The following VNN2 variants were observed in gnomAD, a reference collection of about 807,000 sequenced individuals.
VNN2 encodes pantetheine hydrolase VNN2.
VNN2 carries 43 observed loss-of-function variants against 43.0 expected under a neutral mutation model. That is an observed-to-expected ratio of 1.00 (90% CI 0.78 to 1.29). The LOEUF is 1.29. VNN2 is among the 50% of genes most tolerant of loss of function. The pLI, the probability that VNN2 is intolerant of heterozygous loss-of-function variation, is 0.00. For synonymous variants in VNN2, 230 were observed against 224.3 expected, an observed-to-expected ratio of 1.03 and a Z score of -0.23; for missense variants, 652 against 619.7, an observed-to-expected ratio of 1.05 and a Z score of -0.55.
At chr6:132,759,461 A>C (rs998382368), upstream of VNN2, among the ~76,000 whole-genome samples, 17 of 145,934 alleles carry the variant, frequency 1.2e-4, no homozygotes, top group South Asian at 2.2e-4. Context: ...AAAAAAAAAA[A>C]CAATAATAAC....
intron 2 of VNN2, 130 bp from the exon 3 acceptor site, chr6:132,756,165 A>G (rs1780465025): frequency 1.2e-6 from 1 of 857,968 alleles, no homozygotes; most frequent in Non-Finnish European, 1.7e-6. Flanking sequence ...TAAAAATATC[A>G]TACTTTAAAA....
intron 6 of VNN2, among the ~76,000 whole-genome samples, chr6:132,748,997 A>G (rs9321366): frequency 0.089 from 13,503 of 152,320 alleles, 816 homozygotes; most frequent in African/African-American, 0.17. Flanking sequence ...GAAATTAAAA[A>G]TCTATAAACA....
chr6:132,752,705 C>T lies in VNN2; in HGVS notation c.582G>A (p.Pro194=), dbSNP rs33980664. 48,336 of 1,614,072 alleles carry T rather than the reference C, an allele frequency of 0.03. 869 individuals are homozygous for T. Among genetic ancestry groups the T allele is most frequent in the Middle Eastern group, 0.05 (304 of 6,062 alleles). Residue 194 remains proline (P), a synonymous_variant, in exon 4 of 7, where the codon CCG becomes CCA. Transcript: ENST00000326499. Reference sequence around the variant, plus strand: ...ATGCGGTGTTGAAAGTCACCAACTCCGGCTTTTCAGGGACATTAAACTGAG... The same window carrying T: ...ATGCGGTGTTGAAAGTCACCAACTCTGGCTTTTCAGGGACATTAAACTGAG... The part of the protein sequence containing the change: ...SEPQFNVPEK[P]ELVTFNTAFG...
chr6:132,753,245 T>C, intron 3 of VNN2: 1 of 226,052 alleles, frequency 4.4e-6, no homozygotes, highest in Non-Finnish European at 9.1e-6. Flanking sequence ...CAGGATGATC[T>C]CAATCTCCTG....
chr6:132,751,000 GT>G, intron 5 of VNN2, 144 bp downstream of exon 5: 1 of 954,630 alleles, frequency 1.0e-6, no homozygotes, highest in South Asian at 1.7e-5. Flanking sequence ...ATGCACGTGT[GT>G]GTGTGTGTGT....
At chr6:132,760,108 G>A (rs960754576), upstream of VNN2, among the ~76,000 whole-genome samples, 6 of 152,116 alleles carry the variant, frequency 3.9e-5, no homozygotes, top group African/African-American at 1.2e-4. Flanking sequence ...CAGCACATGT[G>A]TCTGTGCTCT....
Position 132,744,393 on chromosome 6 carries a change from G to A in VNN2, c.1470C>T (p.Tyr490=). The change falls in exon 7 of 7, where the codon TAC becomes TAT. Residue 490 remains tyrosine, a synonymous_variant. Transcript: ENST00000326499. ...FGRWYTKDSL[Y]SSCGTSNSAI... ...CTGAATTGCTGGTCCCACATGAGCT[G>A]TAAAGTGAGTCCTTTGTGTACCACC... 1 of 1,613,776 alleles carries A rather than the reference G, an allele frequency of 6.2e-7. No homozygotes were observed. Among genetic ancestry groups the A allele is most frequent in the Non-Finnish European group, 8.5e-7 (1 of 1,179,892 alleles).
In VNN2 at chr6:132,755,819, T is replaced by C. The variant is rs1243602787; in HGVS notation, c.537+24A>G. 2.5e-6 allele frequency: 4 copies of C among 1,588,026 alleles called. No homozygotes were observed. In the South Asian group the frequency reaches 4.6e-5, roughly 18 times the overall value. ...TGACCACTCACAACACGCTCCATTT[T>C]ACACGTCCGTCACTCTCTCTTACCT... is the stretch of plus-strand genomic sequence containing the variant. On this transcript the variant is annotated intron_variant, in intron 3 of 6. Transcript: ENST00000326499.
chr6:132,751,793 T>C (rs1458223905), intron 4 of VNN2, among the ~76,000 whole-genome samples: 2 of 152,170 alleles, frequency 1.3e-5, no homozygotes, highest in African/African-American at 4.8e-5. Flanking sequence ...ACAAAAATCT[T>C]TGTAGTCAGG....
At chr6:132,759,438 C>CAAAAAAA (rs58195059), upstream of VNN2, among the ~76,000 whole-genome samples, 92 of 69,142 alleles carry the variant, frequency 1.3e-3, 1 homozygote, top group African/African-American at 3.0e-3. Context: ...AACTCCGTCT[C>CAAAAAAA]AAAAAAAAAA....
intron 3 of VNN2, chr6:132,753,364 T>C (rs1482501858): frequency 5.2e-6 from 2 of 384,714 alleles, no homozygotes. Flanking sequence ...GCATTATTCT[T>C]CTTTGAATCC....
chr6:132,756,182 G>A (rs1780465627), intron 2 of VNN2, 147 bp from the exon 3 acceptor site: 1 of 767,730 alleles, frequency 1.3e-6, no homozygotes, highest in African/African-American at 1.8e-5. Context: ...AAAAGCCACA[G>A]ATGATTATAC....
At chr6:132,750,626 T>C (rs1413246262) in intron 5 of VNN2, among the ~76,000 whole-genome samples, 5 of 143,966 alleles carry the variant, frequency 3.5e-5, no homozygotes, top group African/African-American at 1.0e-4. Flanking sequence ...ATCATGCTAC[T>C]GCACTCTAGC....
upstream of VNN2, chr6:132,758,039 C>CTTT (rs533088096): frequency 4.1e-4 from 68 of 165,010 alleles, no homozygotes; most frequent in Non-Finnish European, 5.5e-4. Flanking sequence ...TCTTCTTCTT[C>CTTT]TTTTTTTTTT....
rs1001665973 is a variant in VNN2 at position 132,749,586 on chromosome 6, G to A, written c.1371+109C>T. 2.6e-6 allele frequency: 3 copies of A among 1,145,128 alleles called. No homozygotes were observed. The African/African-American group carries it at 4.7e-5, about 18-fold the overall frequency. 70.9% of individuals were successfully genotyped at this position (1,145,128 alleles called of 1,614,324 possible). ...GAACCAGGGCTAAAGAAATGGTTTT[G>A]AGGAAATTTGTTACACAGCAGAAGT... is the stretch of plus-strand genomic sequence containing the variant. On this transcript the variant is annotated intron_variant, in intron 6 of 6. Transcript: ENST00000326499.
intron 3 of VNN2, among the ~76,000 whole-genome samples, chr6:132,754,715 G>A (rs570503351): frequency 6.6e-6 from 1 of 152,202 alleles, no homozygotes; most frequent in Non-Finnish European, 1.5e-5. Flanking sequence ...TTTCAATTCA[G>A]AATTTAAAGT....
upstream of VNN2, among the ~76,000 whole-genome samples, chr6:132,759,013 C>A (rs943741967): frequency 6.6e-6 from 1 of 152,088 alleles, no homozygotes; most frequent in Non-Finnish European, 1.5e-5. Flanking sequence ...CTCCCCACCC[C>A]CTGCTTTGGA....
intron 3 of VNN2, among the ~76,000 whole-genome samples, chr6:132,755,474 A>G (rs923089392): frequency 2.0e-5 from 3 of 149,728 alleles, no homozygotes; most frequent in African/African-American, 7.4e-5. Flanking sequence ...TCCTGGGTTC[A>G]AGCAAGTCTC....
intron 5 of VNN2, 124 bp downstream of exon 5, chr6:132,751,021 G>T (rs932145448): frequency 4.6e-5 from 52 of 1,129,304 alleles, no homozygotes; most frequent in Middle Eastern, 2.3e-4. Flanking sequence ...TTGTGTGTGT[G>T]TGTGTTGCCA....
Sources: gnomAD v4.1 joint callset for allele counts (sites outside exome capture counted in the v4.1 genomes callset) on GRCh38, gnomAD v4.1.1 for gene constraint, MANE v1.5 for transcripts, NCBI Gene and HGNC (gene_info 2026-07-23, HGNC 2026-07-21) for gene names.